AR: variants seen among roughly 807,000 people sequenced by gnomAD.
AR encodes androgen receptor.
In AR, 8 loss-of-function variants were observed where a neutral mutation model predicts 53.9. That is an observed-to-expected ratio of 0.15 (90% CI 0.09 to 0.27). The LOEUF (loss-of-function observed/expected upper bound fraction) is 0.27, where lower values mean the gene tolerates loss of function less well. Among genes scored for constraint, AR ranks in the 10% least tolerant of loss-of-function variants. The pLI, the probability that AR is intolerant of heterozygous loss-of-function variation, is 1.00. For synonymous variants in AR, 359 were observed against 316.4 expected, an observed-to-expected ratio of 1.13 and a Z score of -1.43; for missense variants, 639 against 742.5, an observed-to-expected ratio of 0.86 and a Z score of 1.62.
intron 4 of AR, among the ~76,000 whole-genome samples, chrX:67,715,836 G>A (rs989369568): frequency 8.9e-6 from 1 of 112,077 alleles, no homozygotes; most frequent in Non-Finnish European, 1.9e-5. Flanking sequence ...CATTCCTAAT[G>A]AGGTATGATG....
chrX:67,673,768 T>C (rs1009809573), intron 2 of AR, among the ~76,000 whole-genome samples: 9 of 111,481 alleles, frequency 8.1e-5, no homozygotes, highest in Admixed American at 3.8e-4. Flanking sequence ...CACATATCTC[T>C]ATTTTTCCAG....
intron 1 of AR, among the ~76,000 whole-genome samples, chrX:67,554,440 C>A (rs1930110729): frequency 1.8e-5 from 2 of 111,613 alleles, no homozygotes; most frequent in Non-Finnish European, 3.8e-5. Context: ...GGGATGTACT[C>A]CATAGCCATG....
intron 2 of AR, among the ~76,000 whole-genome samples, chrX:67,647,088 G>C (rs1926094279): frequency 9.0e-6 from 1 of 111,249 alleles, no homozygotes; most frequent in African/African-American, 3.3e-5. Flanking sequence ...TTTCAAAGAG[G>C]GTTAATTAAT....
At chrX:67,665,280 G>C (rs886873780) in intron 2 of AR, among the ~76,000 whole-genome samples, 3 of 112,498 alleles carry the variant, frequency 2.7e-5, no homozygotes, top group Non-Finnish European at 5.6e-5. Flanking sequence ...GGTTTCTAGT[G>C]TTACCACCCA....
chrX:67,691,002 A>G (rs750068919), intron 3 of AR, among the ~76,000 whole-genome samples: 76 of 112,164 alleles, frequency 6.8e-4, no homozygotes, highest in African/African-American at 2.4e-3. Context: ...TTAGACTTCA[A>G]GCAGTTGAAA....
At chrX:67,658,370 G>A (rs1926690556) in intron 2 of AR, among the ~76,000 whole-genome samples, 1 of 112,304 alleles carries the variant, frequency 8.9e-6, no homozygotes, top group African/African-American at 3.2e-5. Context: ...AGGGATAGTA[G>A]AGAGAAATGT....
intron 1 of AR, among the ~76,000 whole-genome samples, chrX:67,630,678 C>G (rs1232309565): frequency 1.8e-5 from 2 of 109,903 alleles, no homozygotes; most frequent in Non-Finnish European, 3.8e-5. Flanking sequence ...TTTATCCTGT[C>G]ATTATGATTT....
At chrX:67,572,098 G>A (rs1481825905) in intron 1 of AR, among the ~76,000 whole-genome samples, 5 of 111,085 alleles carry the variant, frequency 4.5e-5, no homozygotes, top group Non-Finnish European at 7.6e-5. Flanking sequence ...CTTATTTAAG[G>A]GAAAAAATAA....
chrX:67,644,582 G>C (rs1289612072), intron 2 of AR, among the ~76,000 whole-genome samples: 1 of 112,106 alleles, frequency 8.9e-6, no homozygotes, highest in East Asian at 2.8e-4. Flanking sequence ...CAGAGAGTTT[G>C]AAGCATCTAG....
intron 2 of AR, among the ~76,000 whole-genome samples, chrX:67,653,671 T>A (rs1031467885): frequency 9.9e-5 from 11 of 111,318 alleles, no homozygotes; most frequent in Non-Finnish European, 1.7e-4. Context: ...TCCCTCCGCA[T>A]GCTGAGCTGT....
intron 2 of AR, among the ~76,000 whole-genome samples, chrX:67,683,783 A>T (rs1156769449): frequency 2.7e-5 from 3 of 111,990 alleles, no homozygotes; most frequent in Non-Finnish European, 5.6e-5. Context: ...ATTGTAAAGA[A>T]TATCTACGTT....
chrX:67,618,089 T>C (rs1346478156), intron 1 of AR, among the ~76,000 whole-genome samples: 1 of 112,024 alleles, frequency 8.9e-6, no homozygotes, highest in African/African-American at 3.2e-5. Context: ...ATTTTCCTTC[T>C]CAGTTTTTAT....
At chrX:67,551,826 C>A (rs1340782221) in intron 1 of AR, among the ~76,000 whole-genome samples, 1 of 111,587 alleles carries the variant, frequency 9.0e-6, no homozygotes, top group Non-Finnish European at 1.9e-5. Context: ...AGATGATTGT[C>A]CGTGAATTAT....
At chrX:67,578,188 T>G in intron 1 of AR, among the ~76,000 whole-genome samples, 1 of 111,583 alleles carries the variant, frequency 9.0e-6, no homozygotes, top group Non-Finnish European at 1.9e-5. Flanking sequence ...TTTTGCCTTA[T>G]GCATACCTAA....
intron 1 of AR, among the ~76,000 whole-genome samples, chrX:67,616,928 T>A (rs961513317): frequency 2.7e-5 from 3 of 111,252 alleles, no homozygotes; most frequent in African/African-American, 9.8e-5. Context: ...TTAGCCTAAG[T>A]CTCATCCTCC....
intron 3 of AR, among the ~76,000 whole-genome samples, chrX:67,708,065 G>T (rs1004255577): frequency 9.0e-6 from 1 of 111,715 alleles, no homozygotes; most frequent in African/African-American, 3.3e-5. Context: ...CTCTCTGGCT[G>T]CCCTTAACAT....
intron 1 of AR, among the ~76,000 whole-genome samples, chrX:67,585,003 C>A (rs1253910591): frequency 9.0e-6 from 1 of 111,560 alleles, no homozygotes; most frequent in Non-Finnish European, 1.9e-5. Flanking sequence ...CGACTGTAAT[C>A]CCAGCACTTT....
intron 3 of AR, among the ~76,000 whole-genome samples, chrX:67,701,062 G>A (rs1427968622): frequency 8.9e-6 from 1 of 111,760 alleles, no homozygotes; most frequent in Non-Finnish European, 1.9e-5. Context: ...AACTTTCTGA[G>A]ATGATGAAAA....
intron 1 of AR, among the ~76,000 whole-genome samples, chrX:67,600,661 T>C (rs1271651989): frequency 9.0e-6 from 1 of 111,231 alleles, no homozygotes; most frequent in Non-Finnish European, 1.9e-5. Context: ...CTATAGTTAA[T>C]AATAATTTAA....
Sources: gnomAD v4.1 joint callset for allele counts (sites outside exome capture counted in the v4.1 genomes callset) on GRCh38, gnomAD v4.1.1 for gene constraint, MANE v1.5 for transcripts, NCBI Gene and HGNC (gene_info 2026-07-23, HGNC 2026-07-21) for gene names.